The following IQCM variants were observed in gnomAD, a reference collection of about 807,000 sequenced individuals.
IQCM encodes the protein IQ domain-containing protein M.
In IQCM, 45 loss-of-function variants were observed where a neutral mutation model predicts 57.6. The ratio of observed to expected loss-of-function variants is 0.78; its 90% confidence interval spans 0.62 to 1.00. The LOEUF (loss-of-function observed/expected upper bound fraction) is 1.00, where lower values mean the gene tolerates loss of function less well. IQCM is among the 50% of genes least tolerant of loss of function. IQCM has a pLI of 0.00. For synonymous variants in IQCM, 148 were observed against 158.9 expected (o/e 0.93, Z 0.51); for missense variants, 468 against 511.6 (o/e 0.91, Z 0.82).
intron 13 of IQCM, among the ~76,000 whole-genome samples, chr4:149,400,145 A>G (rs1413030859): frequency 1.3e-5 from 2 of 151,104 alleles, no homozygotes; most frequent in Non-Finnish European, 3.0e-5. Context: ...TAACACTATT[A>G]TGGTCAATGA....
chr4:149,431,066 G>A (rs1028915372), intron 13 of IQCM, among the ~76,000 whole-genome samples: 5 of 151,808 alleles, frequency 3.3e-5, no homozygotes, highest in Non-Finnish European at 7.4e-5. Flanking sequence ...TTAGCTGGGT[G>A]TGGTGGTGGG....
intron 5 of IQCM, 31 bp from the exon 6 acceptor site, chr4:149,686,499 C>G: frequency 1.0e-6 from 1 of 958,514 alleles, no homozygotes; most frequent in Non-Finnish European, 1.4e-6. Context: ...TAATTGCATA[C>G]TATTAGTTTT....
intron 13 of IQCM, among the ~76,000 whole-genome samples, chr4:149,431,130 G>C (rs1180881482): frequency 6.6e-6 from 1 of 151,624 alleles, no homozygotes; most frequent in Non-Finnish European, 1.5e-5. Context: ...ACTCAAACTT[G>C]GGAGACAGAG....
chr4:149,796,651 T>C lies in IQCM; in HGVS notation c.-49+18660A>G, dbSNP rs112686684. Among the ~76,000 whole-genome samples, 1,170 of 152,230 alleles carry C rather than the reference T, an allele frequency of 7.7e-3. 22 individuals carry two copies. Among genetic ancestry groups the C allele is most frequent in the African/African-American group, 0.027 (1,106 of 41,526 alleles). ...CTTCAGGTTTTACACAGTGCAGTCATAGTGGTGGTGGCCACAGGGGTTCTT... is the reference window on the plus strand; with the variant it reads ...CTTCAGGTTTTACACAGTGCAGTCACAGTGGTGGTGGCCACAGGGGTTCTT... On this transcript the variant is annotated intron_variant, in intron 2 of 13. Coordinates refer to ENST00000636793, the MANE Select transcript of IQCM (RefSeq NM_001363507.2).
chr4:149,623,027 T>G (rs116938598), intron 7 of IQCM, among the ~76,000 whole-genome samples: 3,073 of 152,306 alleles, frequency 0.02, 61 homozygotes, highest in African/African-American at 0.049. Context: ...AGGAGTATAT[T>G]GAACATTCCC....
intron 5 of IQCM, among the ~76,000 whole-genome samples, chr4:149,728,958 T>G (rs1561207188): frequency 6.6e-6 from 1 of 152,162 alleles, no homozygotes; most frequent in Non-Finnish European, 1.5e-5. Context: ...GAGACCCAAG[T>G]ACAGAAGATA....
At chr4:149,355,490 G>A (rs569403697) in intron 13 of IQCM, among the ~76,000 whole-genome samples, 17 of 148,340 alleles carry the variant, frequency 1.1e-4, no homozygotes, top group East Asian at 6.0e-4. Context: ...GAGAACATGC[G>A]GTGTTTGGTT....
At chr4:149,445,438 A>G (rs1484194311) in intron 12 of IQCM, among the ~76,000 whole-genome samples, 1 of 151,890 alleles carries the variant, frequency 6.6e-6, no homozygotes, top group Non-Finnish European at 1.5e-5. Flanking sequence ...TACTCCAGGT[A>G]TATAATTTAA....
At chr4:149,355,551 T>C (rs1354151693) in intron 13 of IQCM, among the ~76,000 whole-genome samples, 1 of 152,172 alleles carries the variant, frequency 6.6e-6, no homozygotes, top group African/African-American at 2.4e-5. Flanking sequence ...GCTTCATCCA[T>C]GTCCCTACAA....
chr4:149,358,880 A>AAATACTCTCATGAGTATATCAT, intron 13 of IQCM, among the ~76,000 whole-genome samples: 1 of 151,094 alleles, frequency 6.6e-6, no homozygotes, highest in Non-Finnish European at 1.5e-5. Flanking sequence ...GTATATCATG[A>AAATACTCTCATGAGTATATCAT]GACCACAGTG....
At chr4:149,657,224 C>A (rs181602522) in intron 7 of IQCM, among the ~76,000 whole-genome samples, 15 of 152,102 alleles carry the variant, frequency 9.9e-5, no homozygotes, top group African/African-American at 2.6e-4. Flanking sequence ...TCTGTGATAT[C>A]GATATTTTTT....
intron 12 of IQCM, among the ~76,000 whole-genome samples, chr4:149,537,703 T>C (rs916273949): frequency 6.6e-6 from 1 of 151,752 alleles, no homozygotes; most frequent in African/African-American, 2.4e-5. Flanking sequence ...GAGATACTCT[T>C]GAAAGAAGAA....
At chr4:149,741,414 C>A (rs923599801) in intron 3 of IQCM, among the ~76,000 whole-genome samples, 9 of 152,072 alleles carry the variant, frequency 5.9e-5, no homozygotes, top group Non-Finnish European at 1.0e-4. Flanking sequence ...TAGGGAAATG[C>A]CAGGCTCATA....
chr4:149,539,261 G>C (rs115485792), intron 12 of IQCM, among the ~76,000 whole-genome samples: 4,575 of 152,184 alleles, frequency 0.03, 109 homozygotes, highest in Middle Eastern at 0.054. Flanking sequence ...TTACAACATG[G>C]ATGAACTTCA....
intron 2 of IQCM, among the ~76,000 whole-genome samples, chr4:149,757,362 CA>C (rs1486305485): frequency 6.7e-6 from 1 of 148,998 alleles, no homozygotes; most frequent in East Asian, 2.1e-4. Flanking sequence ...TTAATAAGTA[CA>C]AAAAAATAAA....
At chr4:149,587,410 C>G (rs995382602) in intron 9 of IQCM, among the ~76,000 whole-genome samples, 1 of 151,712 alleles carries the variant, frequency 6.6e-6, no homozygotes, top group Non-Finnish European at 1.5e-5. Context: ...TAACTTTCCA[C>G]AATTGCTTCT....
intron 12 of IQCM, among the ~76,000 whole-genome samples, chr4:149,442,422 C>G (rs1389652823): frequency 6.6e-6 from 1 of 151,782 alleles, no homozygotes; most frequent in Admixed American, 6.6e-5. Flanking sequence ...AAAAAAAACC[C>G]AAAAAACAAA....
At chr4:149,545,745 GC>G (rs1244832545) in intron 12 of IQCM, among the ~76,000 whole-genome samples, 1 of 151,848 alleles carries the variant, frequency 6.6e-6, no homozygotes, top group Non-Finnish European at 1.5e-5. Context: ...CTATATTGCA[GC>G]ATATTCACAA....
At chr4:149,642,642 A>G (rs964666041) in intron 7 of IQCM, among the ~76,000 whole-genome samples, 1 of 152,174 alleles carries the variant, frequency 6.6e-6, no homozygotes, top group Admixed American at 6.5e-5. Flanking sequence ...AAGACAACAG[A>G]GATCCTCATT....
Sources: gnomAD v4.1 joint callset for allele counts (sites outside exome capture counted in the v4.1 genomes callset) on GRCh38, gnomAD v4.1.1 for gene constraint, MANE v1.5 for transcripts, NCBI Gene and HGNC (gene_info 2026-07-23, HGNC 2026-07-21) for gene names.